The following ENOSF1 variants were observed in gnomAD, a reference collection of about 807,000 sequenced individuals.
ENOSF1 encodes the protein enolase superfamily member 1, also known as mitochondrial enolase superfamily member 1.
ENOSF1 carries 73 observed loss-of-function variants against 68.2 expected under a neutral mutation model. The observed-to-expected ratio is 1.07, with a 90% CI of 0.89 to 1.30. The LOEUF (loss-of-function observed/expected upper bound fraction) is 1.30. Ranked by LOEUF, ENOSF1 falls within the 50% of genes most tolerant of loss-of-function variation. The pLI, the probability that ENOSF1 is intolerant of heterozygous loss-of-function variation, is 0.00. For synonymous variants in ENOSF1, 223 were observed against 210.4 expected (o/e 1.06, Z -0.52); for missense variants, 589 against 554.5 (o/e 1.06, Z -0.62).
chr18:684,171 AT>A (rs2076393561), intron 10 of ENOSF1, among the ~76,000 whole-genome samples: 1 of 150,736 alleles, frequency 6.6e-6, no homozygotes, highest in Non-Finnish European at 1.5e-5. Flanking sequence ...TTTTTTTTGT[AT>A]TTTTAGTAGA....
At chr18:706,039 G>A (rs1415685308) in intron 2 of ENOSF1, among the ~76,000 whole-genome samples, 1 of 151,950 alleles carries the variant, frequency 6.6e-6, no homozygotes, top group South Asian at 2.1e-4. Flanking sequence ...ATTGAAAAGC[G>A]AGTAGACGTG....
intron 5 of ENOSF1, chr18:691,512 A>G (rs1289754322): frequency 4.5e-6 from 2 of 439,754 alleles, no homozygotes; most frequent in South Asian, 3.1e-5. Flanking sequence ...TGCCCGGCTA[A>G]TTTATTTTTA....
chr18:677,209 A>C (rs1008635804), intron 14 of ENOSF1, 136 bp downstream of exon 14: 3 of 709,910 alleles, frequency 4.2e-6, no homozygotes, highest in Middle Eastern at 2.4e-4. Context: ...AGCAAAACCA[A>C]CTCCGCCTGA....
intron 7 of ENOSF1, chr18:690,865 TC>T (rs1324542989): frequency 1.5e-5 from 20 of 1,359,610 alleles, no homozygotes; most frequent in Admixed American, 2.7e-5. Context: ...AAGCCAAACT[TC>T]CTTTCAGCAG....
chr18:669,395 C>CA (rs1438649295), downstream of ENOSF1: 33 of 365,958 alleles, frequency 9.0e-5, no homozygotes, highest in Non-Finnish European at 1.4e-4. Context: ...TTTTTTGAGA[C>CA]AGAGTTTTGC....
In ENOSF1 at chr18:670,845, T is replaced by C; in HGVS notation, c.*3460A>G. 6.2e-7 allele frequency: 1 copy of C among 1,614,076 alleles called. No individual in the cohort carries two copies. The highest frequency in any genetic ancestry group is 8.5e-7 in the Non-Finnish European group (1 of 1,180,006). ...AGCTACGCCCTGCTCACGTACATGA[T>C]TGCGCACATCACGGGCCTGAAGGTG... On this transcript the variant is annotated 3_prime_UTR_variant, in exon 16 of 16. Coordinates refer to ENST00000647584, the MANE Select transcript of ENOSF1 (RefSeq NM_017512.7).
Position 671,138 on chromosome 18 carries a change from G to A in ENOSF1, c.*3167C>T. 1.6e-6 allele frequency: 1 copy of A among 614,062 alleles called. No homozygotes were observed. 38.0% of individuals were successfully genotyped at this position (614,062 alleles called of 1,614,324 possible). A position where few individuals can be genotyped will look rare whatever the true frequency, so the allele number is the denominator to read the frequency against. On this transcript the variant is annotated 3_prime_UTR_variant, in exon 16 of 16. Coordinates refer to ENST00000647584, the MANE Select transcript of ENOSF1 (RefSeq NM_017512.7). The stretch of plus-strand genomic sequence containing the variant: ...AAGCTATGCTGAGGTTGGGTATGGT[G>A]GCTCATGCCTGTAATCCCAGCACTT...
chr18:673,035 T>TA lies in ENOSF1; in HGVS notation c.*1269_*1270insT. 1 of 1,486,250 alleles carries TA rather than the reference T, an allele frequency of 6.7e-7. No individual in the cohort carries two copies. Among genetic ancestry groups the TA allele is most frequent in the Non-Finnish European group, 9.1e-7 (1 of 1,099,818 alleles). 92.1% of individuals were successfully genotyped at this position (1,486,250 alleles called of 1,614,324 possible). On this transcript the variant is annotated 3_prime_UTR_variant, in exon 16 of 16. Transcript: ENST00000647584. ...GGAGCTCGAAGGATATTGTCAGTCT[T>TA]TAGGGGTTGGGCTGGATGCCGAGGT...
chr18:669,288 C>A, downstream of ENOSF1: 1 of 738,824 alleles, frequency 1.4e-6, no homozygotes, highest in Non-Finnish European at 2.2e-6. Context: ...CCCCCAGCCA[C>A]ATGGTTGATT....
intron 11 of ENOSF1, among the ~76,000 whole-genome samples, chr18:679,819 A>C (rs1263892987): frequency 2.0e-5 from 3 of 152,136 alleles, no homozygotes; most frequent in Non-Finnish European, 4.4e-5. Context: ...CCGCACAGGT[A>C]GCCTTGGTTC....
intron 10 of ENOSF1, among the ~76,000 whole-genome samples, chr18:685,219 G>T (rs2076504922): frequency 6.6e-6 from 1 of 151,610 alleles, no homozygotes; most frequent in South Asian, 2.1e-4. Context: ...TTGCCAGGCT[G>T]ATCTTGTACT....
chr18:673,074 G>A lies in ENOSF1; in HGVS notation c.*1231C>T, dbSNP rs933553439. ...GGATGCCGAGGTAAAAGTTCTTTTT[G>A]CTCTAAAAGAAAAAGGAACTAGGTC... On this transcript the variant is annotated 3_prime_UTR_variant, in exon 16 of 16. Coordinates refer to ENST00000647584, the MANE Select transcript of ENOSF1 (RefSeq NM_017512.7). The A allele has an allele frequency of 2.8e-6, 4 of 1,415,402 alleles. No individual in the cohort carries two copies. Among genetic ancestry groups the A allele is most frequent in the Non-Finnish European group, 3.8e-6 (4 of 1,065,442 alleles). 87.7% of individuals were successfully genotyped at this position (1,415,402 alleles called of 1,614,324 possible).
intron 1 of ENOSF1, 154 bp downstream of exon 1, chr18:712,350 C>A (rs2079663978): frequency 2.8e-6 from 4 of 1,442,944 alleles, no homozygotes; most frequent in Admixed American, 2.3e-5. Context: ...GGGCCGCAAG[C>A]CGCGCGTACC....
chr18:684,033 A>G (rs1224283483), intron 10 of ENOSF1, among the ~76,000 whole-genome samples: 18 of 150,374 alleles, frequency 1.2e-4, no homozygotes, highest in South Asian at 4.2e-4. Context: ...TCGCTCTGTC[A>G]CCAAGGCTGG....
At position 683,980 on chromosome 18, in the gene ENOSF1, G is replaced by A. The variant is rs558855754; in HGVS notation, c.742-600C>T. Among the ~76,000 whole-genome samples the A allele has an allele frequency of 2.3e-4, 35 of 149,212 alleles. No individual in the cohort carries two copies. The South Asian group carries it at 4.2e-3, about 18-fold the overall frequency. On this transcript the variant is annotated intron_variant, in intron 10 of 15. Transcript: ENST00000647584. ...TCAACACTCTGGGAGGCTGAAGCCC[G>A]TGGATTTCTTTTCTTTTTCTTTTTT...
chr18:699,872 G>C (rs1233224485), intron 2 of ENOSF1, among the ~76,000 whole-genome samples: 1 of 152,200 alleles, frequency 6.6e-6, no homozygotes, highest in African/African-American at 2.4e-5. Flanking sequence ...CTGAGGTCAA[G>C]AGTTTGAGAC....
chr18:707,684 TATA>T (rs1317556547), intron 1 of ENOSF1: 16 of 152,316 alleles, frequency 1.1e-4, no homozygotes, highest in African/African-American at 3.6e-4. Flanking sequence ...GTTATTATTC[TATA>T]ATATTTATTG....
chr18:666,038 G>T (rs1206359253), downstream of ENOSF1, among the ~76,000 whole-genome samples: 3 of 97,904 alleles, frequency 3.1e-5, 1 homozygote, highest in Non-Finnish European at 5.7e-5. Context: ...GGTCCGCTTA[G>T]TGCAGAGCTG....
intron 7 of ENOSF1, 160 bp downstream of exon 7, chr18:690,908 T>C (rs932635170): frequency 4.2e-6 from 5 of 1,185,322 alleles, no homozygotes; most frequent in African/African-American, 1.5e-5. Flanking sequence ...TCAGAGGTCA[T>C]ACCCAGCAGG....
Sources: allele counts gnomAD v4.1 joint callset (sites outside exome capture counted in the v4.1 genomes callset), GRCh38; gene constraint gnomAD v4.1.1; transcripts MANE v1.5; gene names NCBI Gene and HGNC (gene_info 2026-07-23, HGNC 2026-07-21).